Variants in TLL1 observed in about 807,000 individuals in gnomAD.
TLL1 encodes tolloid-like protein 1.
Under a neutral mutation model 128.2 loss-of-function variants are expected in TLL1, and 49 were observed. The ratio of observed to expected loss-of-function variants is 0.38; its 90% CI spans 0.30 to 0.48. TLL1 has a LOEUF of 0.48. Among genes scored for constraint, TLL1 ranks in the 20% least tolerant of loss-of-function variants. TLL1 has a pLI of 0.96. For missense variants in TLL1, 1,123 were observed against 1,242.0 expected (o/e 0.90, Z 1.44); for synonymous variants, 454 against 418.8 (o/e 1.08, Z -1.03).
At chr4:166,007,544 T>C (rs1184707268) in intron 6 of TLL1, among the ~76,000 whole-genome samples, 1 of 151,720 alleles carries the variant, frequency 6.6e-6, no homozygotes, top group Non-Finnish European at 1.5e-5. Flanking sequence ...AGGAAGATGA[T>C]TTTTGTATGA....
At chr4:166,002,373 T>C (rs533086131) in intron 5 of TLL1, among the ~76,000 whole-genome samples, 1 of 152,326 alleles carries the variant, frequency 6.6e-6, no homozygotes, top group African/African-American at 2.4e-5. Flanking sequence ...ATTCAGTTCC[T>C]AGCACCAGTT....
chr4:165,972,569 A>AC (rs1735675248), intron 1 of TLL1, among the ~76,000 whole-genome samples: 1 of 152,124 alleles, frequency 6.6e-6, no homozygotes, highest in Non-Finnish European at 1.5e-5. Flanking sequence ...TTTTGATTGT[A>AC]CACCCTGAAT....
chr4:166,010,511 C>CTTTGTATAT (rs1737640639), intron 7 of TLL1, among the ~76,000 whole-genome samples: 1 of 150,380 alleles, frequency 6.6e-6, no homozygotes, highest in Non-Finnish European at 1.5e-5. Context: ...AGTAGAAGTT[C>CTTTGTATAT]TTTGTATATT....
chr4:166,101,634 C>T lies in TLL1; in HGVS notation c.*758C>T, dbSNP rs17506124. The T allele has an allele frequency of 0.04, 6,121 of 152,530 alleles. 180 individuals are homozygous for T. The highest frequency in any genetic ancestry group is 0.079 in the Admixed American group (1,202 of 15,240). The allele number at this position is 152,530 out of a possible 1,614,324, so 9.4% of individuals were successfully genotyped here. ...AACTTAGTTCTTTTTTTTGGAAGTG[C>T]TGCCTTTTCACACCAAATCCAAGAA... On this transcript the variant is annotated 3_prime_UTR_variant, in exon 21 of 21. Coordinates refer to ENST00000061240, the MANE Select transcript of TLL1 (RefSeq NM_012464.5).
At chr4:165,896,194 G>C (rs1376289933) in intron 1 of TLL1, among the ~76,000 whole-genome samples, 1 of 152,058 alleles carries the variant, frequency 6.6e-6, no homozygotes, top group Non-Finnish European at 1.5e-5. Context: ...TTAGTTTTCT[G>C]TTCCTGTGTT....
At chr4:165,957,439 A>C (rs1004393551) in intron 1 of TLL1, among the ~76,000 whole-genome samples, 7 of 151,900 alleles carry the variant, frequency 4.6e-5, no homozygotes, top group Non-Finnish European at 7.4e-5. Flanking sequence ...TAGACAGATC[A>C]TTGAGGCAGA....
chr4:166,010,493 T>A (rs758431685), intron 7 of TLL1, among the ~76,000 whole-genome samples: 49 of 151,136 alleles, frequency 3.2e-4, no homozygotes, highest in Non-Finnish European at 6.4e-4. Context: ...ATTATTTTGT[T>A]GTTGAGTAGT....
intron 1 of TLL1, among the ~76,000 whole-genome samples, chr4:165,956,108 G>A (rs898637792): frequency 3.3e-5 from 5 of 151,108 alleles, no homozygotes; most frequent in African/African-American, 1.2e-4. Context: ...ATGCTTCTGA[G>A]GGAACAGGAC....
intron 18 of TLL1, among the ~76,000 whole-genome samples, chr4:166,086,638 C>T (rs925075799): frequency 2.0e-5 from 3 of 152,074 alleles, no homozygotes; most frequent in Non-Finnish European, 4.4e-5. Context: ...CAAAGTGTCC[C>T]AAGAGGCCAT....
intron 5 of TLL1, among the ~76,000 whole-genome samples, chr4:165,999,107 A>G (rs1170119123): frequency 2.6e-5 from 4 of 152,114 alleles, no homozygotes; most frequent in African/African-American, 7.2e-5. Flanking sequence ...ACAAGTCTCT[A>G]GGAAGTTCTA....
At chr4:165,934,348 G>A (rs1733672174) in intron 1 of TLL1, among the ~76,000 whole-genome samples, 1 of 151,724 alleles carries the variant, frequency 6.6e-6, no homozygotes, top group Non-Finnish European at 1.5e-5. Context: ...AATGCCTGCT[G>A]GGAAACACTT....
chr4:166,095,881 A>G (rs1231263557), intron 19 of TLL1, among the ~76,000 whole-genome samples: 2 of 152,122 alleles, frequency 1.3e-5, no homozygotes, highest in African/African-American at 4.8e-5. Context: ...AACTGGTTTT[A>G]TATTTTTCTG....
At chr4:165,930,856 C>G (rs1221248361) in intron 1 of TLL1, among the ~76,000 whole-genome samples, 1 of 151,970 alleles carries the variant, frequency 6.6e-6, no homozygotes, top group Non-Finnish European at 1.5e-5. Flanking sequence ...TATAAGCACT[C>G]CAGAAAAAAA....
chr4:166,014,332 C>G, intron 7 of TLL1, 104 bp from the exon 8 acceptor site: 2 of 1,535,594 alleles, frequency 1.3e-6, no homozygotes, highest in South Asian at 2.2e-5. Flanking sequence ...AGGTGTAGTT[C>G]CCCTTTGATT....
In TLL1 at chr4:166,053,763, T is replaced by A. The variant is rs191561894; in HGVS notation, c.1525-1313T>A. ...CCTTAACACTAGTAACAGAGTTCCA[T>A]AAATTAACGAATTGTATGTTGAGTG... On this transcript the variant is annotated intron_variant, in intron 12 of 20. Coordinates refer to ENST00000061240, the MANE Select transcript of TLL1 (RefSeq NM_012464.5). Among the ~76,000 whole-genome samples the A allele has an allele frequency of 6.1e-3, 928 of 152,258 alleles. 7 individuals carry two copies. Among genetic ancestry groups the A allele is most frequent in the African/African-American group, 0.021 (881 of 41,562 alleles).
chr4:165,955,305 A>G (rs189427619), intron 1 of TLL1, among the ~76,000 whole-genome samples: 4 of 152,184 alleles, frequency 2.6e-5, no homozygotes, highest in Admixed American at 2.6e-4. Flanking sequence ...AAAGAGCCCA[A>G]ATGTGTGACT....
At chr4:165,992,700 CAT>C (rs1736701647) in intron 2 of TLL1, 102 bp from the exon 3 acceptor site, 1 of 1,044,016 alleles carries the variant, frequency 9.6e-7, no homozygotes, top group Non-Finnish European at 1.5e-6. Context: ...TTTAAGACCA[CAT>C]AAAAAATGAC....
chr4:166,012,500 G>GAACC (rs138516287), intron 7 of TLL1, among the ~76,000 whole-genome samples: 6,814 of 151,414 alleles, frequency 0.045, 557 homozygotes, highest in Admixed American at 0.23. Context: ...GGAAAAAATC[G>GAACC]AACCCCAGAG....
intron 1 of TLL1, among the ~76,000 whole-genome samples, chr4:165,901,046 T>C (rs928580940): frequency 6.6e-6 from 1 of 151,916 alleles, no homozygotes; most frequent in African/African-American, 2.4e-5. Context: ...GATACTTATG[T>C]TTGCTGCACG....
Sources: allele counts gnomAD v4.1 joint callset (sites outside exome capture counted in the v4.1 genomes callset), GRCh38; gene constraint gnomAD v4.1.1; transcripts MANE v1.5; gene names NCBI Gene and HGNC (gene_info 2026-07-23, HGNC 2026-07-21).